The following EFEMP1 variants were observed in gnomAD, a reference collection of about 807,000 sequenced individuals.
EFEMP1 encodes EGF-like fibulin extracellular matrix protein 1.
EFEMP1 carries 18 observed loss-of-function variants against 65.7 expected under a neutral mutation model. The ratio of observed to expected loss-of-function variants is 0.27; its 90% CI spans 0.19 to 0.41. EFEMP1 has a LOEUF of 0.41. EFEMP1 is among the 10% of genes least tolerant of loss of function. EFEMP1 has a pLI of 1.00. For synonymous variants in EFEMP1, 237 were observed against 219.7 expected (o/e 1.08, Z -0.70); for missense variants, 469 against 624.8 (o/e 0.75, Z 2.66).
intron 5 of EFEMP1, among the ~76,000 whole-genome samples, chr2:55,903,391 T>A (rs976411969): frequency 1.3e-5 from 2 of 152,216 alleles, no homozygotes; most frequent in Non-Finnish European, 2.9e-5. Context: ...CTGCAGAAAG[T>A]AGAAGATGAA....
rs3838530 is a variant in EFEMP1, at chr2:55,876,756, T to TTA, written c.761-16_761-15dup. ...ATTCATTTATATCTGAAAAAAAGTT[T>TTA]TATATATATATATATGTATATGTAT... On this transcript the variant is annotated splice_polypyrimidine_tract_variant and intron_variant, in intron 7 of 11. Transcript: ENST00000355426. 13,128 of 1,464,148 alleles carry TTA rather than the reference T, an allele frequency of 9.0e-3. 139 individuals are homozygous for TTA. The highest frequency in any genetic ancestry group is 0.062 in the East Asian group (2,378 of 38,238). 90.7% of individuals were successfully genotyped at this position (1,464,148 alleles called of 1,614,324 possible).
chr2:55,916,994 C>T (rs55886642), intron 5 of EFEMP1, among the ~76,000 whole-genome samples: 1 of 152,112 alleles, frequency 6.6e-6, no homozygotes, highest in East Asian at 1.9e-4. Flanking sequence ...AGTGAAACGT[C>T]GTCAAATGAG....
At position 55,923,781 on chromosome 2, in the gene EFEMP1, C is replaced by G. The variant is rs1671005881; in HGVS notation, c.-119G>C. 5.1e-6 allele frequency: 5 copies of G among 986,450 alleles called. No homozygotes were observed. In the South Asian group the frequency reaches 2.3e-4, roughly 46 times the overall value. 61.1% of individuals were successfully genotyped at this position (986,450 alleles called of 1,614,324 possible). A position where few individuals can be genotyped will look rare whatever the true frequency, so the allele number is the denominator to read the frequency against. ...CGCAGGGGAGGGCAGCCCCGTGGGTCTGATCTGGCGAAGTCCGGCAGCGGC... is the reference window on the plus strand; with the variant it reads ...CGCAGGGGAGGGCAGCCCCGTGGGTGTGATCTGGCGAAGTCCGGCAGCGGC... On this transcript the variant is annotated 5_prime_UTR_variant, in exon 1 of 12. Coordinates refer to ENST00000355426, the MANE Select transcript of EFEMP1 (RefSeq NM_001039348.3). The surrounding 1 kb of genome is among the most constrained non-coding windows in gnomAD (Gnocchi z 5.3).
intron 9 of EFEMP1, among the ~76,000 whole-genome samples, chr2:55,874,668 T>G (rs1274309759): frequency 6.6e-6 from 1 of 152,048 alleles, no homozygotes; most frequent in African/African-American, 2.4e-5. Context: ...AGTGGATGAT[T>G]TGAAGATGTA....
intron 5 of EFEMP1, among the ~76,000 whole-genome samples, chr2:55,902,566 C>G (rs1670079586): frequency 6.6e-6 from 1 of 152,156 alleles, no homozygotes; most frequent in Admixed American, 6.5e-5. Context: ...TGGCATGAAC[C>G]ACAATACCGT....
At chr2:55,876,586 T>G in intron 8 of EFEMP1, 37 bp downstream of exon 8, 1 of 1,607,508 alleles carries the variant, frequency 6.2e-7, no homozygotes, top group Non-Finnish European at 8.5e-7. Context: ...GTCACAGGAA[T>G]TGGACTTTAT....
At position 55,922,563 on chromosome 2, in the gene EFEMP1, T is replaced by C. The variant is rs763233884; in HGVS notation, c.-7-116A>G. On this transcript the variant is annotated intron_variant, in intron 2 of 11. Transcript: ENST00000355426. This position sits in a 1 kb window ranked among gnomAD's most constrained non-coding sequence, Gnocchi z 5.5. Reference sequence around the variant, plus strand: ...GGTGGGAGAGGCTGAGGCTCCACCATACTCAACTTCCAATCTGCTTTCTCA... The same window carrying C: ...GGTGGGAGAGGCTGAGGCTCCACCACACTCAACTTCCAATCTGCTTTCTCA... 2 of 931,252 alleles carry C rather than the reference T, an allele frequency of 2.1e-6. No individual in the cohort carries two copies. Among genetic ancestry groups the C allele is most frequent in the Non-Finnish European group, 3.4e-6 (2 of 584,164 alleles). The allele number at this position is 931,252 out of a possible 1,614,324, so 57.7% of individuals were successfully genotyped here.
chr2:55,868,941 T>C (rs1324825311), intron 11 of EFEMP1, among the ~76,000 whole-genome samples: 1 of 152,172 alleles, frequency 6.6e-6, no homozygotes, highest in East Asian at 1.9e-4. Flanking sequence ...TTGATCCAAG[T>C]ACTTTTTGAA....
chr2:55,889,648 A>G (rs577936733), intron 5 of EFEMP1, among the ~76,000 whole-genome samples: 1 of 152,292 alleles, frequency 6.6e-6, no homozygotes, highest in African/African-American at 2.4e-5. Context: ...AAATATTTAG[A>G]ATTAAAATAC....
At chr2:55,882,038 C>A (rs1163749393) in intron 5 of EFEMP1, among the ~76,000 whole-genome samples, 1 of 152,034 alleles carries the variant, frequency 6.6e-6, no homozygotes, top group Non-Finnish European at 1.5e-5. Flanking sequence ...TCCCTTGACC[C>A]ATCAGCTACC....
At chr2:55,897,381 A>G (rs747553906) in intron 5 of EFEMP1, among the ~76,000 whole-genome samples, 1 of 89,252 alleles carries the variant, frequency 1.1e-5, no homozygotes, top group Non-Finnish European at 2.0e-5. Flanking sequence ...TTCTTCCTAA[A>G]TCTGATAGAA....
At chr2:55,872,015 A>G (rs954917970) in intron 9 of EFEMP1, among the ~76,000 whole-genome samples, 4 of 152,090 alleles carry the variant, frequency 2.6e-5, no homozygotes. Context: ...TGGGAATCAG[A>G]AGCCTCCAGA....
chr2:55,896,275 C>T (rs1038807721), intron 5 of EFEMP1, among the ~76,000 whole-genome samples: 1 of 152,150 alleles, frequency 6.6e-6, no homozygotes, highest in South Asian at 2.1e-4. Context: ...TGACAAAAAA[C>T]GTGAATGTGT....
chr2:55,903,915 T>C (rs1215051787), intron 5 of EFEMP1, among the ~76,000 whole-genome samples: 1 of 152,200 alleles, frequency 6.6e-6, no homozygotes, highest in Non-Finnish European at 1.5e-5. Context: ...CTCAACTCCC[T>C]TGTCTTGCTC....
chr2:55,911,669 C>G (rs369295865), intron 5 of EFEMP1, among the ~76,000 whole-genome samples: 2 of 152,032 alleles, frequency 1.3e-5, no homozygotes, highest in East Asian at 1.9e-4. Flanking sequence ...CCTGATGATG[C>G]TTGATGCATC....
At chr2:55,884,847 T>C (rs1669368555) in intron 5 of EFEMP1, among the ~76,000 whole-genome samples, 1 of 152,156 alleles carries the variant, frequency 6.6e-6, no homozygotes. Flanking sequence ...GGATGGGGGA[T>C]CTATGTCTTA....
intron 5 of EFEMP1, among the ~76,000 whole-genome samples, chr2:55,899,234 G>T (rs1001970291): frequency 3.3e-5 from 5 of 152,170 alleles, no homozygotes; most frequent in African/African-American, 1.2e-4. Context: ...CTCAACTAGG[G>T]TCTGTTGACT....
At chr2:55,913,479 TA>T (rs1169259886) in intron 5 of EFEMP1, among the ~76,000 whole-genome samples, 2 of 152,212 alleles carry the variant, frequency 1.3e-5, no homozygotes, top group Non-Finnish European at 2.9e-5. Context: ...CAGGGTTTAT[TA>T]GTGGCTTAAT....
At chr2:55,916,032 T>A (rs1329959622) in intron 5 of EFEMP1, among the ~76,000 whole-genome samples, 2 of 151,944 alleles carry the variant, frequency 1.3e-5, no homozygotes, top group African/African-American at 4.8e-5. Context: ...ATGGGTTAGG[T>A]CTTGATGTGG....
Sources: allele counts gnomAD v4.1 joint callset (sites outside exome capture counted in the v4.1 genomes callset), GRCh38; gene constraint gnomAD v4.1.1; non-coding constraint Gnocchi (gnomAD v3.1); transcripts MANE v1.5; gene names NCBI Gene and HGNC (gene_info 2026-07-23, HGNC 2026-07-21).